CDK14: variants seen among roughly 807,000 people sequenced by gnomAD.
The protein encoded by CDK14 is cyclin-dependent kinase 14.
A neutral mutation model predicts 60.7 loss-of-function variants in CDK14; 34 were observed. That is an observed-to-expected ratio of 0.56 (90% CI 0.43 to 0.75). The LOEUF is 0.75. Among genes scored for constraint, CDK14 ranks in the 30% least tolerant of loss-of-function variants. The probability of loss-of-function intolerance (pLI) is 0.00; values close to 1 mark genes in which losing one functional copy is unlikely to be tolerated. For synonymous variants in CDK14, 197 were observed against 203.7 expected (o/e 0.97, Z 0.28); for missense variants, 482 against 564.1 (o/e 0.85, Z 1.47).
chr7:91,060,104 A>G (rs1413567976), intron 11 of CDK14, among the ~76,000 whole-genome samples: 2 of 152,132 alleles, frequency 1.3e-5, no homozygotes, highest in African/African-American at 4.8e-5. Flanking sequence ...GGGTGCATAT[A>G]TATTTAGGAT....
chr7:90,925,852 G>T (rs576815692), intron 8 of CDK14, among the ~76,000 whole-genome samples: 1 of 152,302 alleles, frequency 6.6e-6, no homozygotes, highest in South Asian at 2.1e-4. Context: ...AATAAAGGCA[G>T]AAGATCTATG....
intron 10 of CDK14, among the ~76,000 whole-genome samples, chr7:91,027,510 C>T (rs1320969915): frequency 2.6e-5 from 4 of 152,188 alleles, no homozygotes; most frequent in East Asian, 3.9e-4. Context: ...ATGCATACCA[C>T]GTTTTAGTAT....
At chr7:90,957,093 A>C (rs1794444108) in intron 9 of CDK14, among the ~76,000 whole-genome samples, 1 of 150,208 alleles carries the variant, frequency 6.7e-6, no homozygotes, top group South Asian at 2.2e-4. Context: ...ATGTGTCTTT[A>C]TAGCAGCATG....
chr7:90,712,443 G>A (rs1662408153), intron 2 of CDK14, among the ~76,000 whole-genome samples: 1 of 151,800 alleles, frequency 6.6e-6, no homozygotes. Flanking sequence ...TGTTTTCAAG[G>A]TTCATCCATG....
intron 10 of CDK14, among the ~76,000 whole-genome samples, chr7:90,988,389 A>T (rs1020070360): frequency 6.6e-6 from 1 of 152,186 alleles, no homozygotes; most frequent in Non-Finnish European, 1.5e-5. Flanking sequence ...ATTGGCAGGT[A>T]AATAGGCACC....
intron 2 of CDK14, among the ~76,000 whole-genome samples, chr7:90,672,171 A>G (rs1801109167): frequency 6.6e-6 from 1 of 152,210 alleles, no homozygotes. Context: ...CTTTATTGAT[A>G]TATAATTCAT....
At chr7:91,171,688 C>T (rs910661767) in intron 14 of CDK14, among the ~76,000 whole-genome samples, 3 of 151,938 alleles carry the variant, frequency 2.0e-5, no homozygotes, top group Admixed American at 6.6e-5. Context: ...ACTCTGTCGC[C>T]GAGGCTGGAG....
In CDK14 at chr7:90,810,334, C is replaced by T. The variant is rs577033643; in HGVS notation, c.544+19682C>T. On this transcript the variant is annotated intron_variant, in intron 5 of 14. Transcript: ENST00000380050. ...GTTCAACATATGCAAATCAAAAAAA[C>T]GTAATCCAGCGTAGAAACAGAACCA... Among the ~76,000 whole-genome samples the T allele has an allele frequency of 3.3e-5, 5 of 152,194 alleles. No individual in the cohort carries two copies. The South Asian group carries it at 6.2e-4, about 19-fold the overall frequency.
chr7:90,980,671 TTAAGTA>T (rs1166740284), intron 9 of CDK14, among the ~76,000 whole-genome samples: 1 of 152,212 alleles, frequency 6.6e-6, no homozygotes, highest in Non-Finnish European at 1.5e-5. Flanking sequence ...TGTGAGTCCT[TTAAGTA>T]TAATTCTCTC....
At chr7:90,676,559 G>T (rs769237250) in intron 2 of CDK14, among the ~76,000 whole-genome samples, 1 of 147,778 alleles carries the variant, frequency 6.8e-6, no homozygotes, top group East Asian at 2.0e-4. Flanking sequence ...TTGAGCCAGG[G>T]TCTCACTCTG....
At chr7:90,923,186 T>G (rs1383332994) in intron 8 of CDK14, among the ~76,000 whole-genome samples, 1 of 149,502 alleles carries the variant, frequency 6.7e-6, no homozygotes, top group Admixed American at 6.8e-5. Flanking sequence ...CTCGGCTCAC[T>G]GCAAGCTCCG....
chr7:91,089,100 T>C lies in CDK14; in HGVS notation c.1154+9620T>C, dbSNP rs143146317. On this transcript the variant is annotated intron_variant, in intron 12 of 14. Coordinates refer to ENST00000380050, the MANE Select transcript of CDK14 (RefSeq NM_001287135.2). ...CTTTTAGGGATAAAATCATGTGTAC[T>C]TCTTTAAATGCTTTGGCTTTTATTT... Among the ~76,000 whole-genome samples the C allele has an allele frequency of 6.4e-3, 975 of 152,324 alleles. 6 individuals carry two copies. Among genetic ancestry groups the C allele is most frequent in the Non-Finnish European group, 0.011 (765 of 68,030 alleles).
chr7:91,157,525 G>T lies in CDK14; in HGVS notation c.*28+39317G>T, dbSNP rs139660023. 3.9e-5 allele frequency among the ~76,000 whole-genome samples: 6 copies of T among 152,332 alleles called. No homozygotes were observed. The East Asian group carries it at 9.6e-4, about 24-fold the overall frequency. On this transcript the variant is annotated intron_variant, in intron 14 of 14. Coordinates refer to ENST00000380050, the MANE Select transcript of CDK14 (RefSeq NM_001287135.2). ...GTCAAATGCCTCCTATTACCTGAGA[G>T]GCATTGGGTCATTGTAGCATGGCCA...
intron 14 of CDK14, among the ~76,000 whole-genome samples, chr7:91,134,818 T>C (rs1490681733): frequency 6.7e-6 from 1 of 149,784 alleles, no homozygotes; most frequent in African/African-American, 2.5e-5. Flanking sequence ...GAGGTTACAG[T>C]GAGCCGAGAT....
At chr7:91,078,982 G>A (rs781109662) in intron 11 of CDK14, among the ~76,000 whole-genome samples, 12 of 152,080 alleles carry the variant, frequency 7.9e-5, no homozygotes, top group Non-Finnish European at 1.8e-4. Flanking sequence ...GTTTGGCTTT[G>A]AGCATGTATA....
In CDK14 at chr7:90,677,839, A is replaced by G. The variant is rs144206688; in HGVS notation, c.124-48728A>G. On this transcript the variant is annotated intron_variant, in intron 2 of 14. Transcript: ENST00000380050. ...AGGGGAAATGGGAGCAAGTGTTACA[A>G]TTGTCAGGTCTCTGTGATTGATGCC... 6.9e-3 allele frequency among the ~76,000 whole-genome samples: 1,045 copies of G among 152,230 alleles called. 10 individuals are homozygous for G. The highest frequency in any genetic ancestry group is 0.023 in the African/African-American group (953 of 41,536).
At chr7:90,892,345 C>G (rs1792162034) in intron 6 of CDK14, among the ~76,000 whole-genome samples, 1 of 152,168 alleles carries the variant, frequency 6.6e-6, no homozygotes. Flanking sequence ...CGTAATTAAT[C>G]TTTCTAGTTT....
chr7:90,609,158 C>T (rs1483015672), intron 2 of CDK14, among the ~76,000 whole-genome samples: 2 of 152,132 alleles, frequency 1.3e-5, no homozygotes, highest in Non-Finnish European at 2.9e-5. Flanking sequence ...TTCTAAGTAG[C>T]TGGGACCACA....
At chr7:91,089,605 G>A (rs956637151) in intron 12 of CDK14, among the ~76,000 whole-genome samples, 2 of 149,600 alleles carry the variant, frequency 1.3e-5, no homozygotes, top group Non-Finnish European at 3.0e-5. Context: ...GTTTATCTCC[G>A]TAAAATATGA....
Sources: allele counts gnomAD v4.1 joint callset (sites outside exome capture counted in the v4.1 genomes callset), GRCh38; gene constraint gnomAD v4.1.1; transcripts MANE v1.5; gene names NCBI Gene and HGNC (gene_info 2026-07-23, HGNC 2026-07-21).